The following SPECC1 variants were observed in gnomAD, a reference collection of about 807,000 sequenced individuals.
SPECC1 encodes cytospin-B.
Under a neutral mutation model 104.1 loss-of-function variants are expected in SPECC1, and 62 were observed. The ratio of observed to expected loss-of-function variants is 0.60; its 90% CI spans 0.49 to 0.74. The LOEUF (loss-of-function observed/expected upper bound fraction) is 0.74, where lower values mean the gene tolerates loss of function less well. Ranked by LOEUF, SPECC1 falls within the 30% of genes least tolerant of loss-of-function variation. The probability of loss-of-function intolerance (pLI) is 0.00; values close to 1 mark genes in which losing one functional copy is unlikely to be tolerated. For synonymous variants in SPECC1, 513 were observed against 501.6 expected (o/e 1.02, Z -0.30); for missense variants, 1,306 against 1,310.5 (o/e 1.00, Z 0.05).
At chr17:20,273,765 C>T (rs991992342) in intron 12 of SPECC1, among the ~76,000 whole-genome samples, 1 of 152,194 alleles carries the variant, frequency 6.6e-6, no homozygotes, top group Non-Finnish European at 1.5e-5. Flanking sequence ...CCCTTCGCCA[C>T]TGCTGGCCTG....
chr17:20,312,782 T>C (rs11870147), intron 14 of SPECC1, among the ~76,000 whole-genome samples: 107,798 of 152,128 alleles, frequency 0.71, 40,001 homozygotes, highest in East Asian at 0.99. Flanking sequence ...CTACCAACTC[T>C]TCTTCCACTC....
chr17:20,132,712 GTTATTTATTTATTTATTTATTTAT>G (rs56948106), intron 3 of SPECC1, among the ~76,000 whole-genome samples: 6 of 144,894 alleles, frequency 4.1e-5, no homozygotes, highest in African/African-American at 1.3e-4. Context: ...TTTATGTGTA[GTTATTTATTTATTTATTTATTTAT>G]TTATTTATTT....
Position 20,231,812 on chromosome 17 carries a change from C to T in SPECC1, c.2126C>T (p.Thr709Ile), listed in dbSNP as rs1403028606. 1 of 1,614,078 alleles carries T rather than the reference C, an allele frequency of 6.2e-7. No individual in the cohort carries two copies. The highest frequency in any genetic ancestry group is 1.1e-5 in the South Asian group (1 of 91,086). ...TCAGACCTGGAGAGGCAGCTGAAGA[C>T]TCTGACCAAGCAGATGAAGGTGAGA... ...QKSDLERQLK[T>I]LTKQMKEETE... Residue 709 changes from threonine (T) to isoleucine (I), a missense_variant, in exon 6 of 15, where the codon ACT becomes ATT. Thr to Ile is a moderately conservative substitution (Grantham distance 89, BLOSUM62 -1). Around this residue, in one of 2 missense-constraint regions of SPECC1, gnomAD observed 1,177 missense variants for 1,139.9 expected, o/e 1.03. Coordinates refer to ENST00000395527, the MANE Select transcript of SPECC1 (RefSeq NM_001243439.2).
chr17:20,023,466 G>T (rs1248639791), intron 1 of SPECC1, among the ~76,000 whole-genome samples: 2 of 152,128 alleles, frequency 1.3e-5, no homozygotes, highest in Non-Finnish European at 2.9e-5. Flanking sequence ...AGATGAGGGA[G>T]CAGGCAATTA....
chr17:20,051,549 T>G (rs2045778052), intron 1 of SPECC1, among the ~76,000 whole-genome samples: 1 of 152,226 alleles, frequency 6.6e-6, no homozygotes, highest in Non-Finnish European at 1.5e-5. Context: ...TTTTAAAATG[T>G]ATGTTTAGGT....
chr17:20,114,176 C>T (rs1440176403), intron 3 of SPECC1, among the ~76,000 whole-genome samples: 6 of 152,062 alleles, frequency 3.9e-5, no homozygotes, highest in Non-Finnish European at 8.8e-5. Flanking sequence ...CTTTTACTTA[C>T]ATTTTTTACT....
intron 3 of SPECC1, among the ~76,000 whole-genome samples, chr17:20,175,828 G>C (rs1041254483): frequency 6.6e-6 from 1 of 152,184 alleles, no homozygotes; most frequent in Non-Finnish European, 1.5e-5. Flanking sequence ...TGCACATGTA[G>C]GGTAGGCTTT....
chr17:20,274,464 C>CTA (rs2040508401), intron 12 of SPECC1, among the ~76,000 whole-genome samples: 2 of 150,106 alleles, frequency 1.3e-5, no homozygotes, highest in African/African-American at 4.9e-5. Flanking sequence ...TCTAGGTAAA[C>CTA]TATTACACAT....
At chr17:20,083,142 C>T (rs2047049000) in intron 1 of SPECC1, among the ~76,000 whole-genome samples, 1 of 152,166 alleles carries the variant, frequency 6.6e-6, no homozygotes, top group Non-Finnish European at 1.5e-5. Context: ...ATTCATCAAA[C>T]AAAATTTCTG....
intron 1 of SPECC1, among the ~76,000 whole-genome samples, chr17:20,024,781 CCTT>C (rs1164421806): frequency 1.3e-5 from 2 of 152,130 alleles, no homozygotes; most frequent in Non-Finnish European, 2.9e-5. Context: ...AATAGCCCCT[CCTT>C]TATCCTTCCA....
In SPECC1 at chr17:20,253,634, T is replaced by G. The variant is rs771510771; in HGVS notation, c.2680+48T>G. The G allele has an allele frequency of 1.1e-5, 17 of 1,549,914 alleles. No homozygotes were observed. In the African/African-American group the frequency reaches 2.2e-4, roughly 20 times the overall value. ...ACTTTTGACTTATCTTTCCGTGCAG[T>G]TAACTTTTCTTCATTTCTCTGCATG... On this transcript the variant is annotated intron_variant, in intron 10 of 14. Transcript: ENST00000395527.
chr17:20,240,343 G>C (rs2151516748), intron 7 of SPECC1, among the ~76,000 whole-genome samples: 1 of 151,758 alleles, frequency 6.6e-6, no homozygotes, highest in Middle Eastern at 3.4e-3. Flanking sequence ...TTATAAGTCA[G>C]TATTTTATTA....
At chr17:20,251,218 C>CT (rs1290984407) in intron 9 of SPECC1, among the ~76,000 whole-genome samples, 1 of 22,040 alleles carries the variant, frequency 4.5e-5, no homozygotes, top group Non-Finnish European at 6.9e-5. Flanking sequence ...GAGTAAGACT[C>CT]TATCTCAAAA....
At chr17:20,291,786 C>G (rs1369973892) in intron 12 of SPECC1, among the ~76,000 whole-genome samples, 2 of 152,084 alleles carry the variant, frequency 1.3e-5, no homozygotes, top group African/African-American at 2.4e-5. Flanking sequence ...CTCAAGTGAT[C>G]TGCCTGCATT....
intron 4 of SPECC1, 94 bp downstream of exon 4, chr17:20,206,006 C>A: frequency 6.8e-7 from 1 of 1,474,992 alleles, no homozygotes. Flanking sequence ...GAAGCATTTG[C>A]TTAGTCTGTT....
chr17:20,279,182 C>G (rs1259263882), intron 12 of SPECC1, among the ~76,000 whole-genome samples: 1 of 152,190 alleles, frequency 6.6e-6, no homozygotes, highest in African/African-American at 2.4e-5. Flanking sequence ...TTTTTCCATT[C>G]TCTTACTCGT....
rs200374864 is a variant in SPECC1 at position 20,204,560 on chromosome 17, C to T, written c.511C>T (p.Arg171Trp). 41 of 1,614,110 alleles carry T rather than the reference C, an allele frequency of 2.5e-5. No homozygotes were observed. The highest frequency in any genetic ancestry group is 1.1e-4 in the African/African-American group (8 of 75,016). Residue 171 changes from arginine (R) to tryptophan (W), a missense_variant, in exon 4 of 15, where the codon CGG (arginine) becomes TGG (tryptophan). By Grantham distance (101) the Arg-to-Trp change is moderately radical. Coordinates refer to ENST00000395527, the MANE Select transcript of SPECC1 (RefSeq NM_001243439.2). ...AAAGGCTGCGCTTGAGTCCCAAGTT[C>T]GGGAACTTTTGGCAGAAGCCAAAGC... is the stretch of plus-strand genomic sequence containing the variant. Reference protein sequence around the residue: ...GEKAALESQVRELLAEAKAKD... With the variant: ...GEKAALESQVWELLAEAKAKD...
intron 11 of SPECC1, among the ~76,000 whole-genome samples, chr17:20,257,904 A>G (rs1300759268): frequency 6.6e-6 from 1 of 152,232 alleles, no homozygotes; most frequent in Non-Finnish European, 1.5e-5. Context: ...CTCTAAAGGT[A>G]CCATTACAAG....
At chr17:20,031,412 T>C (rs2044806902) in intron 1 of SPECC1, among the ~76,000 whole-genome samples, 1 of 152,200 alleles carries the variant, frequency 6.6e-6, no homozygotes, top group African/African-American at 2.4e-5. Context: ...CTCCGCCTTC[T>C]GGTTTCAAGC....
Sources: gnomAD v4.1 joint callset for allele counts (sites outside exome capture counted in the v4.1 genomes callset) on GRCh38, gnomAD v4.1.1 for gene constraint, gnomAD v4.1.1 regional missense constraint, MANE v1.5 for transcripts, NCBI Gene and HGNC (gene_info 2026-07-23, HGNC 2026-07-21) for gene names.